The following BMERB1 variants were observed in gnomAD, a reference collection of about 807,000 sequenced individuals.
BMERB1 encodes bMERB domain-containing protein 1.
In BMERB1, 12 loss-of-function variants were observed where a neutral mutation model predicts 23.6. The observed-to-expected ratio is 0.51, with a 90% CI of 0.33 to 0.82. The LOEUF (loss-of-function observed/expected upper bound fraction) is 0.82, where lower values mean the gene tolerates loss of function less well. BMERB1 is among the 40% of genes least tolerant of loss of function. The pLI is 0.03. For synonymous variants in BMERB1, 122 were observed against 96.6 expected (o/e 1.26, Z -1.54); for missense variants, 247 against 255.4 (o/e 0.97, Z 0.22).
intron 2 of BMERB1, among the ~76,000 whole-genome samples, chr16:15,561,622 G>A (rs2030424411): frequency 6.6e-6 from 1 of 152,082 alleles, no homozygotes; most frequent in Admixed American, 6.6e-5. Flanking sequence ...GCCAAGGGTG[G>A]TGGCTCATGC....
chr16:15,539,030 A>G (rs2052054131), intron 2 of BMERB1, among the ~76,000 whole-genome samples: 1 of 152,166 alleles, frequency 6.6e-6, no homozygotes, highest in South Asian at 2.1e-4. Flanking sequence ...GAGATGATTC[A>G]AGTGCATTAC....
At chr16:15,504,551 C>G (rs977277834) in intron 1 of BMERB1, among the ~76,000 whole-genome samples, 3 of 151,778 alleles carry the variant, frequency 2.0e-5, no homozygotes, top group African/African-American at 7.3e-5. Flanking sequence ...TGGACCCAAG[C>G]GATCCTCCCA....
intron 2 of BMERB1, among the ~76,000 whole-genome samples, chr16:15,557,598 C>T (rs182906885): frequency 7.9e-5 from 12 of 152,260 alleles, no homozygotes; most frequent in Middle Eastern, 3.4e-3. Flanking sequence ...ACACAGCGTC[C>T]GACGACTAGT....
At chr16:15,454,811 T>G (rs1490975012) in intron 1 of BMERB1, among the ~76,000 whole-genome samples, 1 of 149,816 alleles carries the variant, frequency 6.7e-6, no homozygotes, top group Non-Finnish European at 1.5e-5. Context: ...AAAAGATTGC[T>G]GTTCTATTTA....
At chr16:15,568,384 T>C (rs2030636212) in intron 3 of BMERB1, among the ~76,000 whole-genome samples, 1 of 152,194 alleles carries the variant, frequency 6.6e-6, no homozygotes, top group South Asian at 2.1e-4. Flanking sequence ...ATGCCTGTAA[T>C]CCCAGCACTT....
At chr16:15,442,237 G>A (rs1217061091) in intron 1 of BMERB1, among the ~76,000 whole-genome samples, 5 of 151,790 alleles carry the variant, frequency 3.3e-5, no homozygotes, top group African/African-American at 9.7e-5. Flanking sequence ...AGGCTGAGGC[G>A]GGAGACTCAC....
chr16:15,502,394 G>A, intron 1 of BMERB1: 4 of 1,538,270 alleles, frequency 2.6e-6, no homozygotes, highest in Non-Finnish European at 3.5e-6. Context: ...CGCTCTTGGG[G>A]GCCCAGTGGC....
chr16:15,453,478 A>G (rs114383279), intron 1 of BMERB1, among the ~76,000 whole-genome samples: 2,066 of 152,176 alleles, frequency 0.014, 51 homozygotes, highest in African/African-American at 0.048. Flanking sequence ...GCTACTTGGG[A>G]GGCCAAGGCA....
intron 2 of BMERB1, among the ~76,000 whole-genome samples, chr16:15,533,877 A>G (rs2150960415): frequency 6.6e-6 from 1 of 152,072 alleles, no homozygotes; most frequent in African/African-American, 2.4e-5. Flanking sequence ...CTTTCTCCAG[A>G]CCCTTGGAGA....
chr16:15,446,288 C>T (rs55913422), intron 1 of BMERB1, among the ~76,000 whole-genome samples: 1,604 of 152,012 alleles, frequency 0.011, 13 homozygotes, highest in Middle Eastern at 0.031. Context: ...CCTAGCTACC[C>T]GGGGGCTGAG....
At chr16:15,476,270 C>G (rs1416924387) in intron 1 of BMERB1, among the ~76,000 whole-genome samples, 1 of 148,712 alleles carries the variant, frequency 6.7e-6, no homozygotes, top group East Asian at 2.0e-4. Context: ...TCAAGTGATT[C>G]TCCTGCCTCA....
At chr16:15,451,981 A>C (rs1269579898) in intron 1 of BMERB1, among the ~76,000 whole-genome samples, 1 of 151,980 alleles carries the variant, frequency 6.6e-6, no homozygotes, top group Non-Finnish European at 1.5e-5. Flanking sequence ...TCCTTCCAGA[A>C]TTTAAAACAA....
intron 2 of BMERB1, among the ~76,000 whole-genome samples, chr16:15,557,753 A>G (rs1006254779): frequency 2.6e-5 from 4 of 152,190 alleles, no homozygotes; most frequent in African/African-American, 4.8e-5. Flanking sequence ...AGGACATTTA[A>G]TATTTACTTG....
rs527792543 is a variant in BMERB1, at chr16:15,587,064, G to A, written c.*235G>A. The A allele has an allele frequency of 2.0e-6, 1 of 512,288 alleles. No individual in the cohort carries two copies. The highest frequency in any genetic ancestry group is 3.3e-5 in the East Asian group (1 of 30,316). 31.7% of individuals were successfully genotyped at this position (512,288 alleles called of 1,614,324 possible). A position where few individuals can be genotyped will look rare whatever the true frequency, so the allele number is the denominator to read the frequency against. On this transcript the variant is annotated 3_prime_UTR_variant, in exon 6 of 6. Coordinates refer to ENST00000300006, the MANE Select transcript of BMERB1 (RefSeq NM_033201.3). ...TCCCCAGAGCATGCCGAACCCAGGAGTCTGTCTCACTGTTTATCCAAACAC... is the reference window on the plus strand; with the variant it reads ...TCCCCAGAGCATGCCGAACCCAGGAATCTGTCTCACTGTTTATCCAAACAC...
intron 1 of BMERB1, among the ~76,000 whole-genome samples, chr16:15,444,134 T>TTTTTTTG (rs2050968834): frequency 8.5e-6 from 1 of 117,916 alleles, no homozygotes; most frequent in Non-Finnish European, 1.8e-5. Flanking sequence ...TTTTTTTTTT[T>TTTTTTTG]TTTTTTTTTT....
intron 1 of BMERB1, among the ~76,000 whole-genome samples, chr16:15,477,965 G>A (rs2150934144): frequency 6.6e-6 from 1 of 152,238 alleles, no homozygotes; most frequent in East Asian, 1.9e-4. Flanking sequence ...TGACACTACT[G>A]CATCTTGGCC....
chr16:15,554,663 C>CTTTTTT (rs55937169), intron 2 of BMERB1, among the ~76,000 whole-genome samples: 1 of 144,556 alleles, frequency 6.9e-6, no homozygotes, highest in Non-Finnish European at 1.5e-5. Flanking sequence ...ACCAAGTATT[C>CTTTTTT]TTTTTTTTTT....
chr16:15,443,493 A>G (rs1277502984), intron 1 of BMERB1, among the ~76,000 whole-genome samples: 3 of 152,126 alleles, frequency 2.0e-5, no homozygotes, highest in East Asian at 3.9e-4. Flanking sequence ...GTGAGCCAAG[A>G]TGGCACCACT....
At chr16:15,559,652 A>G (rs1001231426) in intron 2 of BMERB1, among the ~76,000 whole-genome samples, 2 of 152,254 alleles carry the variant, frequency 1.3e-5, no homozygotes, top group Non-Finnish European at 2.9e-5. Flanking sequence ...GGCAGAACCC[A>G]TCCTTCCATA....
Sources: allele counts gnomAD v4.1 joint callset (sites outside exome capture counted in the v4.1 genomes callset), GRCh38; gene constraint gnomAD v4.1.1; transcripts MANE v1.5; gene names NCBI Gene and HGNC (gene_info 2026-07-23, HGNC 2026-07-21).